The following OR10K2 variants were observed in gnomAD, a reference collection of about 807,000 sequenced individuals.
The protein encoded by OR10K2 is olfactory receptor family 10 subfamily K member 2, also known as olfactory receptor 10K2.
For synonymous variants in OR10K2, 169 were observed against 146.4 expected (o/e 1.15, Z -1.11); for missense variants, 401 against 367.1 (o/e 1.09, Z -0.76).
Position 158,419,705 on chromosome 1 carries a change from G to A in OR10K2, c.*223C>T. The A allele has an allele frequency of 2.3e-6, 1 of 434,920 alleles. No individual in the cohort carries two copies. The highest frequency in any genetic ancestry group is 4.2e-6 in the Non-Finnish European group (1 of 239,952). The allele number at this position is 434,920 out of a possible 1,614,324, so 26.9% of individuals were successfully genotyped here. A position where few individuals can be genotyped will look rare whatever the true frequency, so the allele number is the denominator to read the frequency against. ...TCTCACTGCAACCTTCTGCCTCCTGGGTTCAAGTGATTCTCCTGTCTCAGG... is the reference window on the plus strand; with the variant it reads ...TCTCACTGCAACCTTCTGCCTCCTGAGTTCAAGTGATTCTCCTGTCTCAGG... On this transcript the variant is annotated 3_prime_UTR_variant, in exon 2 of 2. Coordinates refer to ENST00000641042, the MANE Select transcript of OR10K2 (RefSeq NM_001004476.2).
rs1315559106 is a variant in OR10K2, at chr1:158,418,908, G to C, written c.*1020C>G. ...TTCCATATGCAAAGCTTTCCACTTG[G>C]TGAATATTTAGTGAAATTGACTTAA... On this transcript the variant is annotated 3_prime_UTR_variant, in exon 2 of 2. Coordinates refer to ENST00000641042, the MANE Select transcript of OR10K2 (RefSeq NM_001004476.2). 1 of 152,082 alleles carries C rather than the reference G, an allele frequency of 6.6e-6. No individual in the cohort carries two copies. The highest frequency in any genetic ancestry group is 1.5e-5 in the Non-Finnish European group (1 of 68,002). The allele number at this position is 152,082 out of a possible 1,614,324, so 9.4% of individuals were successfully genotyped here.
intron 1 of OR10K2, among the ~76,000 whole-genome samples, chr1:158,421,497 C>A (rs1358852856): frequency 6.6e-6 from 1 of 152,018 alleles, no homozygotes; most frequent in Non-Finnish European, 1.5e-5. Flanking sequence ...AAAAAATTAT[C>A]TTCTTCTTTC....
intron 1 of OR10K2, among the ~76,000 whole-genome samples, chr1:158,424,035 T>C (rs1388734042): frequency 2.0e-5 from 3 of 152,042 alleles, no homozygotes; most frequent in African/African-American, 7.2e-5. Context: ...ATAAAATAAG[T>C]ATAAACAAAA....
At chr1:158,420,963 A>G (rs1655144197) in intron 1 of OR10K2, 36 bp from the exon 2 acceptor site, 2 of 1,106,658 alleles carry the variant, frequency 1.8e-6, no homozygotes, top group South Asian at 1.6e-5. Flanking sequence ...ATTGATCATC[A>G]GCATGCGTTC....
At position 158,419,718 on chromosome 1, in the gene OR10K2, C is replaced by A; in HGVS notation, c.*210G>T. ...TTCTGCCTCCTGGGTTCAAGTGATT[C>A]TCCTGTCTCAGGCTCCTGAGTAGCT... On this transcript the variant is annotated 3_prime_UTR_variant, in exon 2 of 2. Transcript: ENST00000641042. 2 of 427,126 alleles carry A rather than the reference C, an allele frequency of 4.7e-6. No individual in the cohort carries two copies. The highest frequency in any genetic ancestry group is 2.8e-5 in the South Asian group (1 of 35,864). 26.5% of individuals were successfully genotyped at this position (427,126 alleles called of 1,614,324 possible).
rs1192085840 is a variant in OR10K2, at chr1:158,418,274, T to C, written c.*1654A>G. On this transcript the variant is annotated 3_prime_UTR_variant, in exon 2 of 2. Transcript: ENST00000641042. Reference sequence around the variant, plus strand: ...TTTTTCTCATCTACAAAATGTCGATTATAATATATACTTCCCAGTGTGCTC... The same window carrying C: ...TTTTTCTCATCTACAAAATGTCGATCATAATATATACTTCCCAGTGTGCTC... The C allele has an allele frequency of 3.3e-5, 5 of 152,286 alleles. No homozygotes were observed. The highest frequency in any genetic ancestry group is 1.2e-4 in the African/African-American group (5 of 41,574). 9.4% of individuals were successfully genotyped at this position (152,286 alleles called of 1,614,324 possible). A position where few individuals can be genotyped will look rare whatever the true frequency, so the allele number is the denominator to read the frequency against.
intron 1 of OR10K2, among the ~76,000 whole-genome samples, chr1:158,424,735 A>G (rs1655218036): frequency 1.2e-5 from 1 of 80,270 alleles, no homozygotes; most frequent in Non-Finnish European, 2.9e-5. Flanking sequence ...CTACAGTACA[A>G]TCTGTGTGTG....
intron 1 of OR10K2, among the ~76,000 whole-genome samples, 166 bp downstream of exon 1, chr1:158,425,767 T>C (rs1655241092): frequency 6.6e-6 from 1 of 152,036 alleles, no homozygotes; most frequent in Admixed American, 6.6e-5. Flanking sequence ...GAAAAATGAA[T>C]CAGTTAATTT....
At position 158,419,676 on chromosome 1, in the gene OR10K2, A is replaced by G. The variant is rs577492528; in HGVS notation, c.*252T>C. On this transcript the variant is annotated 3_prime_UTR_variant, in exon 2 of 2. Transcript: ENST00000641042. ...GTCGCCCAGGCTGGAGTGCAGTGAC[A>G]CAATCTCACTGCAACCTTCTGCCTC... 2 of 340,816 alleles carry G rather than the reference A, an allele frequency of 5.9e-6. No individual in the cohort carries two copies. The allele number at this position is 340,816 out of a possible 1,614,324, so 21.1% of individuals were successfully genotyped here.
In OR10K2 at chr1:158,420,521, C is replaced by T. The variant is rs146963480; in HGVS notation, c.346G>A (p.Ala116Thr). The part of the protein sequence containing the change: ...FLGCSHSFLL[A>T]VMGYDRYIAI... ...ATGTAACGATCATAACCCATGACTG[C>T]CAGCAGAAAGGAGTGAGAGCAGCCA... Residue 116 changes from alanine (A) to threonine (T), a missense_variant, in exon 2 of 2, where the codon GCA becomes ACA. Ala to Thr is a moderately conservative substitution (Grantham distance 58, BLOSUM62 0). Coordinates refer to ENST00000641042, the MANE Select transcript of OR10K2 (RefSeq NM_001004476.2). The T allele has an allele frequency of 6.2e-7, 1 of 1,613,776 alleles. No homozygotes were observed.
chr1:158,426,077 C>T lies in OR10K2; in HGVS notation c.-206G>A, dbSNP rs1389875074. On this transcript the variant is annotated 5_prime_UTR_variant, in exon 1 of 2. Coordinates refer to ENST00000641042, the MANE Select transcript of OR10K2 (RefSeq NM_001004476.2). ...ATGGAGTGCTTCCATTTTTCTCTGC[C>T]TCTCCCTAAGAGAAGCCAGGGACAT... 7 of 152,044 alleles carry T rather than the reference C, an allele frequency of 4.6e-5. No individual in the cohort carries two copies. The highest frequency in any genetic ancestry group is 7.2e-5 in the African/African-American group (3 of 41,396). The allele number at this position is 152,044 out of a possible 1,614,324, so 9.4% of individuals were successfully genotyped here. A position where few individuals can be genotyped will look rare whatever the true frequency, so the allele number is the denominator to read the frequency against.
At position 158,420,579 on chromosome 1, in the gene OR10K2, G is replaced by T; in HGVS notation, c.288C>A (p.Gly96=). 1.9e-6 allele frequency: 3 copies of T among 1,613,950 alleles called. No homozygotes were observed. Among genetic ancestry groups the T allele is most frequent in the Non-Finnish European group, 2.5e-6 (3 of 1,179,912 alleles). ...LSQKKTISFL[G]CAIQMFSFLF... is the part of the protein sequence containing the mutation. ...GGAAGGAAAACATTTGGATGGCACA[G>T]CCCAGGAAAGAAATGGTCTTCTTCT... The change falls in exon 2 of 2, where the codon GGC becomes GGA. Residue 96 remains glycine (G), a synonymous_variant. Coordinates refer to ENST00000641042, the MANE Select transcript of OR10K2 (RefSeq NM_001004476.2).
chr1:158,420,088 A>T lies in OR10K2; in HGVS notation c.779T>A (p.Leu260Ter). ...TGAGGAGTAGTTGGACTGAGGCCTTAAGTAGATAAAGGAGGCACAGCCATA... is the reference window on the plus strand; with the variant it reads ...TGAGGAGTAGTTGGACTGAGGCCTTTAGTAGATAAAGGAGGCACAGCCATA... ...VHYGCASFIY[L>*]RPQSNYSSSQ... The change falls in exon 2 of 2, where the codon TTA becomes TAA. Residue 260 changes from leucine (L) to a stop codon, truncating the protein, a stop_gained. Coordinates refer to ENST00000641042, the MANE Select transcript of OR10K2 (RefSeq NM_001004476.2). LOFTEE classifies it low-confidence loss of function (END_TRUNC). The T allele has an allele frequency of 6.2e-7, 1 of 1,613,738 alleles. No individual in the cohort carries two copies. The highest frequency in any genetic ancestry group is 1.1e-5 in the South Asian group (1 of 91,080).
intron 1 of OR10K2, among the ~76,000 whole-genome samples, chr1:158,422,385 T>C (rs142011419): frequency 1.1e-3 from 161 of 152,230 alleles, no homozygotes; most frequent in Middle Eastern, 6.8e-3. Context: ...GTGTCAAGAA[T>C]GCTAAGAATG....
At chr1:158,424,091 T>C (rs1655209192) in intron 1 of OR10K2, among the ~76,000 whole-genome samples, 1 of 152,076 alleles carries the variant, frequency 6.6e-6, no homozygotes. Context: ...TAGAGAAGGC[T>C]TTGAAGAACA....
intron 1 of OR10K2, among the ~76,000 whole-genome samples, chr1:158,421,396 C>T (rs1655154744): frequency 6.6e-6 from 1 of 152,146 alleles, no homozygotes; most frequent in African/African-American, 2.4e-5. Flanking sequence ...CTCTTCAACA[C>T]TGTTTTCCTT....
chr1:158,423,220 G>T (rs1382892485), intron 1 of OR10K2, among the ~76,000 whole-genome samples: 1 of 128,142 alleles, frequency 7.8e-6, no homozygotes, highest in Non-Finnish European at 1.6e-5. Flanking sequence ...CTGGTTCTTC[G>T]CCCAATATTT....
Position 158,420,877 on chromosome 1 carries a change from T to A in OR10K2, c.-11A>T. The A allele has an allele frequency of 6.2e-7, 1 of 1,608,012 alleles. No individual in the cohort carries two copies. The highest frequency in any genetic ancestry group is 8.5e-7 in the Non-Finnish European group (1 of 1,176,598). On this transcript the variant is annotated 5_prime_UTR_variant, in exon 2 of 2. An upstream start codon of the reference 5' UTR is lost. Transcript: ENST00000641042. Reference sequence around the variant, plus strand: ...ATTGACCCGCTCCATGGAGCATACATCATCAGGAGACAATTAGGGAGAGAA... The same window carrying A: ...ATTGACCCGCTCCATGGAGCATACAACATCAGGAGACAATTAGGGAGAGAA...
At chr1:158,424,340 A>T (rs1655212569) in intron 1 of OR10K2, among the ~76,000 whole-genome samples, 1 of 151,978 alleles carries the variant, frequency 6.6e-6, no homozygotes. Context: ...GAGGTCACAC[A>T]CTCAAAAAAC....
Sources: allele counts gnomAD v4.1 joint callset (sites outside exome capture counted in the v4.1 genomes callset), GRCh38; gene constraint gnomAD v4.1.1; transcripts MANE v1.5; gene names NCBI Gene and HGNC (gene_info 2026-07-23, HGNC 2026-07-21).